SLC9A3: variants seen among roughly 807,000 people sequenced by gnomAD.
SLC9A3 encodes the protein solute carrier family 9 member A3.
A neutral mutation model predicts 86.8 loss-of-function variants in SLC9A3; 37 were observed. The ratio of observed to expected loss-of-function variants is 0.43; its 90% CI spans 0.33 to 0.56. The LOEUF is 0.56. SLC9A3 is among the 20% of genes least tolerant of loss of function. The pLI, the probability that SLC9A3 is intolerant of heterozygous loss-of-function variation, is 0.06. For missense variants in SLC9A3, 1,011 were observed against 1,171.9 expected (o/e 0.86, Z 2.00); for synonymous variants, 581 against 528.3 (o/e 1.10, Z -1.37).
At position 521,381 on chromosome 5, in the gene SLC9A3, A is replaced by G. The variant is rs572307223; in HGVS notation, c.211+2731T>C. Among the ~76,000 whole-genome samples, 2 of 152,268 alleles carry G rather than the reference A, an allele frequency of 1.3e-5. 1 individual carries two copies. Among genetic ancestry groups the G allele is most frequent in the South Asian group, 4.1e-4 (2 of 4,834 alleles). ...TCCTCTGTCCCAAGCTGCCTGGAGTAGAAATCTCCTGGGATCAACATTGCT... is the reference window on the plus strand; with the variant it reads ...TCCTCTGTCCCAAGCTGCCTGGAGTGGAAATCTCCTGGGATCAACATTGCT... On this transcript the variant is annotated intron_variant, in intron 1 of 16. Coordinates refer to ENST00000264938, the MANE Select transcript of SLC9A3 (RefSeq NM_004174.4).
intron 1 of SLC9A3, among the ~76,000 whole-genome samples, chr5:508,511 A>G (rs1411613985): frequency 2.8e-5 from 4 of 144,704 alleles, no homozygotes; most frequent in African/African-American, 5.2e-5. Flanking sequence ...GAGATGCCGC[A>G]GGGAGACACA....
At chr5:477,541 C>G (rs988935135) in intron 10 of SLC9A3, 97 bp from the exon 11 acceptor site, 4 of 791,352 alleles carry the variant, frequency 5.1e-6, no homozygotes, top group Non-Finnish European at 8.0e-6. Flanking sequence ...GCTCGGGGCC[C>G]GGGGAAAGCC....
intron 14 of SLC9A3, 78 bp downstream of exon 14, chr5:475,941 GA>G: frequency 8.0e-7 from 1 of 1,253,052 alleles, no homozygotes; most frequent in Non-Finnish European, 1.1e-6. Context: ...CCTGAGAGGG[GA>G]GGTTCCCGAG....
chr5:524,059 C>A, intron 1 of SLC9A3, 53 bp downstream of exon 1: 1 of 1,284,018 alleles, frequency 7.8e-7, no homozygotes, highest in Non-Finnish European at 1.1e-6. Flanking sequence ...CCAGGCCCAG[C>A]AGAGGCGGCC....
At chr5:490,705 C>T (rs1739693891) in intron 2 of SLC9A3, among the ~76,000 whole-genome samples, 1 of 152,232 alleles carries the variant, frequency 6.6e-6, no homozygotes, top group African/African-American at 2.4e-5. Context: ...CTGCTACAAC[C>T]CCTGAGGCTT....
intron 16 of SLC9A3, 42 bp from the exon 17 acceptor site, chr5:473,424 G>A (rs949846066): frequency 8.8e-6 from 12 of 1,362,260 alleles, no homozygotes; most frequent in Middle Eastern, 5.4e-4. Flanking sequence ...GAGCCCGGGC[G>A]CTGGGGCGGG....
At chr5:487,962 C>T (rs1166440199) in intron 3 of SLC9A3, among the ~76,000 whole-genome samples, 3 of 152,214 alleles carry the variant, frequency 2.0e-5, no homozygotes, top group African/African-American at 7.2e-5. Flanking sequence ...GCCACCGCAC[C>T]CGGCCACTCA....
Position 471,132 on chromosome 5 carries a change from C to CGT in SLC9A3, c.*2246_*2247insAC, listed in dbSNP as rs1738334754. On this transcript the variant is annotated 3_prime_UTR_variant, in exon 17 of 17. Coordinates refer to ENST00000264938, the MANE Select transcript of SLC9A3 (RefSeq NM_004174.4). ...ATTCTCGTCAACACAGAACACCTGC[C>CGT]TGCCCACCCCCGGTGCTGAAGACCG... 6.4e-6 allele frequency: 1 copy of CGT among 155,110 alleles called. No individual in the cohort carries two copies. The highest frequency in any genetic ancestry group is 2.0e-4 in the South Asian group (1 of 5,040). The allele number at this position is 155,110 out of a possible 1,614,324, so 9.6% of individuals were successfully genotyped here.
intron 15 of SLC9A3, 187 bp from the exon 16 acceptor site, chr5:475,319 G>A: frequency 1.5e-6 from 1 of 646,534 alleles, no homozygotes; most frequent in Non-Finnish European, 2.6e-6. Flanking sequence ...AGGCAGCACA[G>A]GTAACGTCTC....
chr5:521,244 G>A (rs1004126491), intron 1 of SLC9A3, among the ~76,000 whole-genome samples: 2 of 150,608 alleles, frequency 1.3e-5, no homozygotes, highest in South Asian at 2.1e-4. Context: ...CCAGACACGC[G>A]GCCTGAGGCT....
chr5:470,599 G>A lies in SLC9A3; in HGVS notation c.*2780C>T, dbSNP rs1738303078. On this transcript the variant is annotated 3_prime_UTR_variant, in exon 17 of 17. Coordinates refer to ENST00000264938, the MANE Select transcript of SLC9A3 (RefSeq NM_004174.4). ...CCTGTCTGGACACTGCCAACCCACA[G>A]CTGGAGGGGCACTTAAGGCACGTCA... The A allele has an allele frequency of 6.6e-6, 1 of 152,318 alleles. No homozygotes were observed. The highest frequency in any genetic ancestry group is 2.1e-4 in the South Asian group (1 of 4,830). The allele number at this position is 152,318 out of a possible 1,614,324, so 9.4% of individuals were successfully genotyped here.
intron 16 of SLC9A3, among the ~76,000 whole-genome samples, 187 bp downstream of exon 16, chr5:474,696 G>GGCC (rs1560947117): frequency 2.0e-3 from 51 of 26,102 alleles, no homozygotes; most frequent in African/African-American, 3.3e-3. Flanking sequence ...GGCGGGGAGA[G>GGCC]AGAGAGCGAG....
At chr5:506,544 G>A (rs562505172) in intron 1 of SLC9A3, among the ~76,000 whole-genome samples, 28 of 152,294 alleles carry the variant, frequency 1.8e-4, no homozygotes, top group African/African-American at 6.5e-4. Flanking sequence ...GCAAACCAGA[G>A]CCAGACCCCA....
chr5:488,432 G>A lies in SLC9A3; in HGVS notation c.559C>T (p.Leu187Phe). 6.3e-7 allele frequency: 1 copy of A among 1,598,788 alleles called. No individual in the cohort carries two copies. The highest frequency in any genetic ancestry group is 8.5e-7 in the Non-Finnish European group (1 of 1,170,642). The change falls in exon 3 of 17, where the codon CTC becomes TTC. Residue 187 changes from leucine to phenylalanine, a missense_variant. Transcript: ENST00000264938. ...GLLDFLLFGS[L>F]MAAVDPVAVL... ...GCCACCGGGTCCACAGCCGCCATGAGGCTGCCAAACAGGAGGAAGTCCAGC... is the reference window on the plus strand; with the variant it reads ...GCCACCGGGTCCACAGCCGCCATGAAGCTGCCAAACAGGAGGAAGTCCAGC...
At chr5:481,532 T>G in intron 9 of SLC9A3, 33 bp downstream of exon 9, 3 of 1,565,518 alleles carry the variant, frequency 1.9e-6, no homozygotes, top group South Asian at 2.2e-5. Flanking sequence ...AGCCGGGCTG[T>G]GCGACACCGC....
rs1231748216 is a variant in SLC9A3 at position 491,749 on chromosome 5, C to G, written c.514+20G>C. On this transcript the variant is annotated intron_variant, in intron 2 of 16. Coordinates refer to ENST00000264938, the MANE Select transcript of SLC9A3 (RefSeq NM_004174.4). The surrounding 1 kb of genome is among the most constrained non-coding windows in gnomAD (Gnocchi z 9.2). The stretch of plus-strand genomic sequence containing the variant: ...GACCCCACCCTGATCCCGGCCGGGG[C>G]AACAGTGGCGCAGACTCACCCATGA... The G allele has an allele frequency of 6.7e-7, 1 of 1,499,320 alleles. No homozygotes were observed. The highest frequency in any genetic ancestry group is 9.0e-7 in the Non-Finnish European group (1 of 1,114,370). 92.9% of individuals were successfully genotyped at this position (1,499,320 alleles called of 1,614,324 possible).
intron 4 of SLC9A3, 150 bp downstream of exon 4, chr5:485,003 C>T (rs1050118323): frequency 3.8e-5 from 26 of 678,218 alleles, no homozygotes; most frequent in Middle Eastern, 2.5e-4. Flanking sequence ...GTGTGTGAAT[C>T]GCTCTGGACG....
At chr5:486,049 GAA>G (rs2126622980) in intron 3 of SLC9A3, among the ~76,000 whole-genome samples, 1 of 152,320 alleles carries the variant, frequency 6.6e-6, no homozygotes, top group African/African-American at 2.4e-5. Flanking sequence ...ATTCCCCCGA[GAA>G]TATCTTGCCG....
rs1428878274 is a variant in SLC9A3 at position 472,852 on chromosome 5, C to A, written c.*527G>T. On this transcript the variant is annotated 3_prime_UTR_variant, in exon 17 of 17. Transcript: ENST00000264938. ...GGGGCTCGGTTGGGGGGGCCCGGAA[C>A]CTTGGGCTGGTTTCACGCAAATCCG... 2 of 512,626 alleles carry A rather than the reference C, an allele frequency of 3.9e-6. No homozygotes were observed. The highest frequency in any genetic ancestry group is 7.4e-6 in the Non-Finnish European group (2 of 271,856). The allele number at this position is 512,626 out of a possible 1,614,324, so 31.8% of individuals were successfully genotyped here.
Sources: allele counts gnomAD v4.1 joint callset (sites outside exome capture counted in the v4.1 genomes callset), GRCh38; gene constraint gnomAD v4.1.1; non-coding constraint Gnocchi (gnomAD v3.1); transcripts MANE v1.5; gene names NCBI Gene and HGNC (gene_info 2026-07-23, HGNC 2026-07-21).